The following DLEU7 variants were observed in gnomAD, a reference collection of about 807,000 sequenced individuals.
DLEU7 encodes the protein deleted in lymphocytic leukemia 7.
DLEU7 carries 17 observed loss-of-function variants against 16.0 expected under a neutral mutation model. That is an observed-to-expected ratio of 1.06 (90% confidence interval 0.73 to 1.59). The LOEUF is 1.59. DLEU7 is among the 40% of genes most tolerant of loss of function. The pLI is 0.00. For missense variants in DLEU7, 308 were observed against 314.9 expected (o/e 0.98, Z 0.17); for synonymous variants, 113 against 139.8 (o/e 0.81, Z 1.35).
intron 1 of DLEU7, among the ~76,000 whole-genome samples, chr13:50,841,951 G>T (rs1419397139): frequency 7.0e-6 from 1 of 142,242 alleles, no homozygotes; most frequent in African/African-American, 2.5e-5. Context: ...CACCGCCCCC[G>T]CCACCTTTGG....
intron 1 of DLEU7, among the ~76,000 whole-genome samples, chr13:50,753,505 G>A (rs1013648709): frequency 2.0e-5 from 3 of 152,230 alleles, no homozygotes; most frequent in Non-Finnish European, 4.4e-5. Flanking sequence ...CTGGTGGGCC[G>A]GCTCTGCTGG....
chr13:50,748,179 A>T (rs995069324), intron 1 of DLEU7, among the ~76,000 whole-genome samples: 3 of 151,208 alleles, frequency 2.0e-5, no homozygotes, highest in African/African-American at 7.3e-5. Flanking sequence ...TAATGATTAC[A>T]CATGTGTGTT....
chr13:50,719,890 G>A (rs1366320071), intron 1 of DLEU7, among the ~76,000 whole-genome samples: 2 of 152,152 alleles, frequency 1.3e-5, no homozygotes, highest in African/African-American at 4.8e-5. Context: ...TGGAGCTGAT[G>A]GCAAGCCTAG....
At chr13:50,812,698 A>C (rs1199083465) in intron 1 of DLEU7, among the ~76,000 whole-genome samples, 17 of 152,170 alleles carry the variant, frequency 1.1e-4, no homozygotes, top group Admixed American at 1.0e-3. Context: ...TTGTTGATAT[A>C]TGTGAATAGT....
At chr13:50,843,710 C>G, upstream of DLEU7, 1 of 1,470,104 alleles carries the variant, frequency 6.8e-7, no homozygotes, top group Non-Finnish European at 8.9e-7. The surrounding 1 kb of genome is among the most constrained non-coding windows in gnomAD (Gnocchi z 5.7). Context: ...GAGGCGGGGG[C>G]GTTGGGGTCG....
chr13:50,772,710 A>C (rs9596353), intron 1 of DLEU7, among the ~76,000 whole-genome samples: 1,539 of 151,980 alleles, frequency 0.01, 22 homozygotes, highest in African/African-American at 0.033. Context: ...TTTTTCCTTC[A>C]TTTCAACCTT....
At chr13:50,736,629 G>T (rs1031731169) in intron 1 of DLEU7, among the ~76,000 whole-genome samples, 2 of 152,030 alleles carry the variant, frequency 1.3e-5, no homozygotes, top group African/African-American at 2.4e-5. Flanking sequence ...TGGTAGCCAA[G>T]ATTCTGTTTC....
intron 1 of DLEU7, among the ~76,000 whole-genome samples, chr13:50,768,453 A>C: frequency 9.2e-6 from 1 of 108,532 alleles, no homozygotes; most frequent in African/African-American, 3.6e-5. Flanking sequence ...ACCCCACGAC[A>C]GGCCCTGGTG....
At chr13:50,783,031 G>A (rs1254681964) in intron 1 of DLEU7, among the ~76,000 whole-genome samples, 1 of 152,194 alleles carries the variant, frequency 6.6e-6, no homozygotes, top group African/African-American at 2.4e-5. Context: ...GTATAACCCA[G>A]AAGTTGGGAA....
At chr13:50,798,551 A>G (rs1450602968) in intron 1 of DLEU7, among the ~76,000 whole-genome samples, 1 of 151,994 alleles carries the variant, frequency 6.6e-6, no homozygotes. Flanking sequence ...TCCACCCACA[A>G]TCCTTAAATC....
chr13:50,751,142 G>C (rs1270824995), intron 1 of DLEU7, among the ~76,000 whole-genome samples: 2 of 152,118 alleles, frequency 1.3e-5, no homozygotes, highest in Non-Finnish European at 2.9e-5. Flanking sequence ...AATCACAAAG[G>C]GATGCTGGAT....
intron 1 of DLEU7, among the ~76,000 whole-genome samples, chr13:50,798,700 A>G (rs1247528083): frequency 1.3e-5 from 2 of 152,176 alleles, no homozygotes; most frequent in Non-Finnish European, 2.9e-5. Context: ...GTCTCATGTC[A>G]ACCTCCAGGC....
chr13:50,812,100 GA>G (rs1298143805), intron 1 of DLEU7, among the ~76,000 whole-genome samples: 3 of 149,866 alleles, frequency 2.0e-5, no homozygotes, highest in African/African-American at 4.9e-5. Flanking sequence ...TCTGTAAGAT[GA>G]AGAAAGTTGG....
At chr13:50,807,035 T>TAAAAAAAAAAAAAAAA (rs1363817943) in intron 1 of DLEU7, among the ~76,000 whole-genome samples, 1 of 151,316 alleles carries the variant, frequency 6.6e-6, no homozygotes, top group African/African-American at 2.4e-5. Context: ...TTCCTACTTT[T>TAAAAAAAAAAAAAAAA]AAGAGTAGTC....
intron 1 of DLEU7, chr13:50,808,427 G>A (rs1275362389): frequency 2.6e-5 from 4 of 152,034 alleles, no homozygotes; most frequent in Admixed American, 2.0e-4. Context: ...TGAGGTTGGG[G>A]GTCCCTGCAA....
At chr13:50,779,603 T>C (rs1213054992) in intron 1 of DLEU7, among the ~76,000 whole-genome samples, 3 of 152,128 alleles carry the variant, frequency 2.0e-5, no homozygotes, top group African/African-American at 7.2e-5. Context: ...GAAAACCAGA[T>C]ACCTGCAGCC....
At chr13:50,829,541 A>T (rs942807184) in intron 1 of DLEU7, among the ~76,000 whole-genome samples, 1 of 152,186 alleles carries the variant, frequency 6.6e-6, no homozygotes, top group Non-Finnish European at 1.5e-5. Flanking sequence ...TACTGTAAAG[A>T]ATCAAAGAAG....
At chr13:50,750,664 T>G (rs1593540904) in intron 1 of DLEU7, among the ~76,000 whole-genome samples, 1 of 152,306 alleles carries the variant, frequency 6.6e-6, no homozygotes, top group Admixed American at 6.5e-5. Context: ...GTTAGGTATA[T>G]TCCTATGTTT....
intron 1 of DLEU7, among the ~76,000 whole-genome samples, chr13:50,762,093 G>T (rs1435567716): frequency 1.3e-5 from 2 of 150,606 alleles, no homozygotes; most frequent in Non-Finnish European, 2.9e-5. Flanking sequence ...TCGGGAGGCT[G>T]AGGCAGAGAA....
Sources: gnomAD v4.1 joint callset for allele counts (sites outside exome capture counted in the v4.1 genomes callset) on GRCh38, gnomAD v4.1.1 for gene constraint, Gnocchi (gnomAD v3.1) non-coding constraint, MANE v1.5 for transcripts, NCBI Gene and HGNC (gene_info 2026-07-23, HGNC 2026-07-21) for gene names.